FAIM2: variants seen among roughly 807,000 people sequenced by gnomAD.
FAIM2 encodes protein lifeguard 2.
A neutral mutation model predicts 47.4 loss-of-function variants in FAIM2; 27 were observed. The ratio of observed to expected loss-of-function variants is 0.57; its 90% CI spans 0.42 to 0.78. The LOEUF is 0.78. FAIM2 is among the 30% of genes least tolerant of loss of function. FAIM2 has a pLI of 0.00. For missense variants in FAIM2, 311 were observed against 389.4 expected (o/e 0.80, Z 1.69); for synonymous variants, 156 against 159.3 (o/e 0.98, Z 0.16).
chr12:49,890,179 A>T, intron 7 of FAIM2, 25 bp from the exon 8 acceptor site: 7 of 1,613,666 alleles, frequency 4.3e-6, no homozygotes, highest in Non-Finnish European at 5.1e-6. Flanking sequence ...AGGGTAAAGG[A>T]ATGTTCCAAA....
chr12:49,878,585 CATGTGT>C lies in FAIM2; in HGVS notation c.802-7938_802-7933del, dbSNP rs1296922904. 1.5e-4 allele frequency among the ~76,000 whole-genome samples: 14 copies of C among 92,736 alleles called. 2 individuals carry two copies. The highest frequency in any genetic ancestry group is 3.9e-4 in the Admixed American group (3 of 7,596). The allele number at this position is 92,736 out of a possible 152,430, so 60.8% of individuals were successfully genotyped here. ...GTGTATATGTTCATGTGTATATGTA[CATGTGT>C]ATGTGTATGTGTGCATGTGTATGTG... On this transcript the variant is annotated intron_variant, in intron 11 of 11. Coordinates refer to ENST00000320634, the MANE Select transcript of FAIM2 (RefSeq NM_012306.4).
At chr12:49,890,983 TG>T in intron 6 of FAIM2, 80 bp downstream of exon 6, 1 of 1,398,428 alleles carries the variant, frequency 7.2e-7, no homozygotes, top group Non-Finnish European at 1.0e-6. Context: ...CACAGCTCAC[TG>T]GTGGCTGGCA....
rs544605160 is a variant in FAIM2 at position 49,898,068 on chromosome 12, G to A, written c.234C>T (p.Asn78=). The A allele has an allele frequency of 6.8e-6, 11 of 1,613,800 alleles. No homozygotes were observed. In the East Asian group the frequency reaches 8.9e-5, roughly 13 times the overall value. Residue 78 remains asparagine, a synonymous_variant, in exon 3 of 12, where the codon AAC becomes AAT. Coordinates refer to ENST00000320634, the MANE Select transcript of FAIM2 (RefSeq NM_012306.4). The part of the protein sequence containing the change: ...VDPSSSSSYD[N]GFPTGDHELF... ...GCTCATGGTCTCCGGTGGGGAAACC[G>A]TTGTCATAGCTGGAGCTGCTGCCTG...
chr12:49,880,643 T>A (rs1946815223), intron 11 of FAIM2, among the ~76,000 whole-genome samples: 1 of 151,846 alleles, frequency 6.6e-6, no homozygotes. Context: ...TATATATGCA[T>A]GTGTATCTGT....
chr12:49,872,848 T>G (rs1465678005), intron 11 of FAIM2, among the ~76,000 whole-genome samples: 2 of 152,160 alleles, frequency 1.3e-5, no homozygotes, highest in South Asian at 2.1e-4. Flanking sequence ...CTCCTGAGGT[T>G]GTTGTGAGAA....
At position 49,870,358 on chromosome 12, in the gene FAIM2, G is replaced by A. The variant is rs1452356882; in HGVS notation, c.*146C>T. ...CATGGCGTATGTACAAGCGGCAGAG[G>A]GCTGGGCTGGGCTGGGGTAGACAGT... is the stretch of plus-strand genomic sequence containing the variant. On this transcript the variant is annotated 3_prime_UTR_variant, in exon 12 of 12. Coordinates refer to ENST00000320634, the MANE Select transcript of FAIM2 (RefSeq NM_012306.4). 7.0e-6 allele frequency: 5 copies of A among 714,050 alleles called. No homozygotes were observed. Among genetic ancestry groups the A allele is most frequent in the Non-Finnish European group, 1.2e-5 (5 of 423,416 alleles). The allele number at this position is 714,050 out of a possible 1,614,324, so 44.2% of individuals were successfully genotyped here. A position where few individuals can be genotyped will look rare whatever the true frequency, so the allele number is the denominator to read the frequency against.
intron 1 of FAIM2, 38 bp from the exon 2 acceptor site, chr12:49,901,363 G>A (rs1172010296): frequency 4.1e-6 from 6 of 1,451,166 alleles, no homozygotes; most frequent in Non-Finnish European, 5.5e-6. Flanking sequence ...AGTCACCAGG[G>A]AAAGGGAGCC....
In FAIM2 at chr12:49,870,258, C is replaced by G. The variant is rs144416758; in HGVS notation, c.*246G>C. ...ACCCAGAGGAGCCTTCAGCCTTGAC[C>G]GTCCCAGTTTGGAAGATGTAACGGG... On this transcript the variant is annotated 3_prime_UTR_variant, in exon 12 of 12. Coordinates refer to ENST00000320634, the MANE Select transcript of FAIM2 (RefSeq NM_012306.4). The G allele has an allele frequency of 1.2e-5, 5 of 413,668 alleles. No individual in the cohort carries two copies. Among genetic ancestry groups the G allele is most frequent in the African/African-American group, 2.0e-5 (1 of 49,980 alleles). 25.6% of individuals were successfully genotyped at this position (413,668 alleles called of 1,614,324 possible).
At chr12:49,880,883 T>A (rs921842134) in intron 11 of FAIM2, among the ~76,000 whole-genome samples, 4 of 135,100 alleles carry the variant, frequency 3.0e-5, no homozygotes, top group South Asian at 2.2e-4. Flanking sequence ...TGAATGTGAG[T>A]GTGTGTGTGT....
chr12:49,900,096 G>C (rs1287180830), intron 2 of FAIM2: 1 of 731,456 alleles, frequency 1.4e-6, no homozygotes. Flanking sequence ...GGGGAAAAGA[G>C]AGGGAAAGTG....
At chr12:49,871,418 T>C (rs1946701812) in intron 11 of FAIM2, among the ~76,000 whole-genome samples, 1 of 152,068 alleles carries the variant, frequency 6.6e-6, no homozygotes, top group Admixed American at 6.6e-5. Flanking sequence ...ACAGATTCCC[T>C]CTGAGACAGC....
At chr12:49,878,061 C>CAT (rs1555157823) in intron 11 of FAIM2, among the ~76,000 whole-genome samples, 2 of 144,142 alleles carry the variant, frequency 1.4e-5, no homozygotes, top group Non-Finnish European at 3.0e-5. Flanking sequence ...TGTATATGTG[C>CAT]GTGTATGTGT....
rs1029463689 is a variant in FAIM2, at chr12:49,874,599, G to T, written c.802-3946C>A. On this transcript the variant is annotated intron_variant, in intron 11 of 11. Coordinates refer to ENST00000320634, the MANE Select transcript of FAIM2 (RefSeq NM_012306.4). The surrounding 1 kb of genome is among the most constrained non-coding windows in gnomAD (Gnocchi z 4.2). ...ATGTCCGTTGTCCTCCCTGAATGTGGCCCCAGAGGTGACGCTGAGGGGCTC... is the reference window on the plus strand; with the variant it reads ...ATGTCCGTTGTCCTCCCTGAATGTGTCCCCAGAGGTGACGCTGAGGGGCTC... Among the ~76,000 whole-genome samples, 2 of 152,172 alleles carry T rather than the reference G, an allele frequency of 1.3e-5. No individual in the cohort carries two copies. Among genetic ancestry groups the T allele is most frequent in the Admixed American group, 6.5e-5 (1 of 15,274 alleles).
chr12:49,898,247 C>A (rs1187287358), intron 2 of FAIM2, among the ~76,000 whole-genome samples, 157 bp from the exon 3 acceptor site: 1 of 152,276 alleles, frequency 6.6e-6, no homozygotes, highest in Non-Finnish European at 1.5e-5. Flanking sequence ...CAGCCCGGCT[C>A]CACCCCAATC....
intron 5 of FAIM2, among the ~76,000 whole-genome samples, chr12:49,895,821 A>G (rs1035692276): frequency 1.3e-5 from 2 of 152,334 alleles, no homozygotes; most frequent in Non-Finnish European, 2.9e-5. Flanking sequence ...CTATCCAGGA[A>G]CAGACTTGGG....
intron 5 of FAIM2, among the ~76,000 whole-genome samples, chr12:49,893,851 T>C (rs959502300): frequency 5.3e-5 from 8 of 152,192 alleles, no homozygotes; most frequent in African/African-American, 1.9e-4. Context: ...ACTTGAGTCA[T>C]TGGTCAGCCA....
intron 2 of FAIM2, among the ~76,000 whole-genome samples, chr12:49,898,831 A>C (rs1178996546): frequency 6.6e-6 from 1 of 150,674 alleles, no homozygotes; most frequent in Non-Finnish European, 1.5e-5. Context: ...CCCAGCTCTG[A>C]CTCTGGCTTG....
At chr12:49,880,161 T>C (rs992974636) in intron 11 of FAIM2, among the ~76,000 whole-genome samples, 41 of 135,324 alleles carry the variant, frequency 3.0e-4, no homozygotes, top group Non-Finnish European at 5.3e-4. Context: ...TGTGTGTGCA[T>C]GTGTGTATGT....
intron 11 of FAIM2, among the ~76,000 whole-genome samples, chr12:49,873,354 G>A (rs1357581362): frequency 1.3e-5 from 2 of 152,096 alleles, no homozygotes; most frequent in Non-Finnish European, 2.9e-5. Flanking sequence ...GTATTTTTGA[G>A]TATGATTTCT....
Sources: gnomAD v4.1 joint callset for allele counts (sites outside exome capture counted in the v4.1 genomes callset) on GRCh38, gnomAD v4.1.1 for gene constraint, Gnocchi (gnomAD v3.1) non-coding constraint, MANE v1.5 for transcripts, NCBI Gene and HGNC (gene_info 2026-07-23, HGNC 2026-07-21) for gene names.